The following UNK variants were observed in gnomAD, a reference collection of about 807,000 sequenced individuals.
UNK encodes the protein RING finger protein unkempt homolog.
Under a neutral mutation model 97.6 loss-of-function variants are expected in UNK, and 32 were observed. The ratio of observed to expected loss-of-function variants is 0.33; its 90% CI spans 0.25 to 0.44. The LOEUF (loss-of-function observed/expected upper bound fraction) is 0.44. Among genes scored for constraint, UNK ranks in the 20% least tolerant of loss-of-function variants. UNK has a pLI of 1.00. For synonymous variants in UNK, 441 were observed against 461.2 expected (o/e 0.96, Z 0.56); for missense variants, 771 against 1,098.4 (o/e 0.70, Z 4.21).
Position 75,816,797 on chromosome 17 carries a change from C to T in UNK, c.989C>T (p.Pro330Leu). ...EQPPLSDDLQ[P>L]SSAVSSPTQP... ...CCACCCCTGAGTGACGACCTGCAGC[C>T]TTCCTCAGCTGTGTCCAGCCCCACC... is the stretch of plus-strand genomic sequence containing the variant. Residue 330 changes from proline to leucine, a missense_variant, in exon 8 of 16, where the codon CCT becomes CTT. Physicochemically the swap from Pro to Leu is moderately conservative, Grantham distance 98 (BLOSUM62 -3). Around this residue, in one of 5 missense-constraint regions of UNK, gnomAD observed 192 missense variants for 202.4 expected, o/e 0.95. Coordinates refer to ENST00000589666, the MANE Select transcript of UNK (RefSeq NM_001080419.3). This position sits in a 1 kb window ranked among gnomAD's most constrained non-coding sequence, Gnocchi z 4.0. 6.2e-7 allele frequency: 1 copy of T among 1,605,712 alleles called. No homozygotes were observed. Among genetic ancestry groups the T allele is most frequent in the Non-Finnish European group, 8.5e-7 (1 of 1,179,626 alleles).
At chr17:75,785,015 G>T (rs1342736583) in intron 1 of UNK, 31 bp downstream of exon 1, 1 of 1,349,984 alleles carries the variant, frequency 7.4e-7, no homozygotes, top group Non-Finnish European at 9.6e-7. Context: ...CCCGCCGCGC[G>T]CGCACGCCTG....
At chr17:75,796,182 T>C (rs1301373675) in intron 1 of UNK, among the ~76,000 whole-genome samples, 1 of 152,172 alleles carries the variant, frequency 6.6e-6, no homozygotes, top group African/African-American at 2.4e-5. Flanking sequence ...CAGACACTTA[T>C]TTTATTTGCC....
rs2062018357 is a variant in UNK at position 75,816,659 on chromosome 17, T to C, written c.962-111T>C. 1 of 1,350,304 alleles carries C rather than the reference T, an allele frequency of 7.4e-7. No homozygotes were observed. Among genetic ancestry groups the C allele is most frequent in the Non-Finnish European group, 9.8e-7 (1 of 1,018,468 alleles). The allele number at this position is 1,350,304 out of a possible 1,614,324, so 83.6% of individuals were successfully genotyped here. A position where few individuals can be genotyped will look rare whatever the true frequency, so the allele number is the denominator to read the frequency against. The stretch of plus-strand genomic sequence containing the variant: ...TGTTACTAGAGATGTCGTAGGAACC[T>C]TCCCTTTATGTGCAGGGGGATTTGT... On this transcript the variant is annotated intron_variant, in intron 7 of 15. Transcript: ENST00000589666. This position sits in a 1 kb window ranked among gnomAD's most constrained non-coding sequence, Gnocchi z 4.0.
At position 75,821,498 on chromosome 17, in the gene UNK, G is replaced by T. The variant is rs867245475; in HGVS notation, c.1838-979G>T. On this transcript the variant is annotated intron_variant, in intron 13 of 15. Transcript: ENST00000589666. Reference sequence around the variant, plus strand: ...TGCAGGGCTGGTCTCATGTGGGTGGGGTGACCCTGAGGTCTTCCTCTGGGA... The same window carrying T: ...TGCAGGGCTGGTCTCATGTGGGTGGTGTGACCCTGAGGTCTTCCTCTGGGA... 1.0e-4 allele frequency: 46 copies of T among 438,786 alleles called. No individual in the cohort carries two copies. The Middle Eastern group carries it at 0.013, about 128-fold the overall frequency. 27.2% of individuals were successfully genotyped at this position (438,786 alleles called of 1,614,324 possible).
At chr17:75,792,277 G>A (rs2061769482) in intron 1 of UNK, 1 of 980,738 alleles carries the variant, frequency 1.0e-6, no homozygotes, top group Admixed American at 6.2e-5. Flanking sequence ...TAATGATTAA[G>A]TTTTTTTGTT....
At position 75,784,994 on chromosome 17, in the gene UNK, G is replaced by GCCCC; in HGVS notation, c.104+20_104+23dup. 1 of 1,073,886 alleles carries GCCCC rather than the reference G, an allele frequency of 9.3e-7. No homozygotes were observed. The highest frequency in any genetic ancestry group is 1.2e-6 in the Non-Finnish European group (1 of 819,034). 66.5% of individuals were successfully genotyped at this position (1,073,886 alleles called of 1,614,324 possible). A position where few individuals can be genotyped will look rare whatever the true frequency, so the allele number is the denominator to read the frequency against. ...AACCGCAGCACTACACGTACGTAGA[G>GCCCC]CCCCCCCCCCCCCGCCGCGCGCGCA... On this transcript the variant is annotated intron_variant, in intron 1 of 15. Coordinates refer to ENST00000589666, the MANE Select transcript of UNK (RefSeq NM_001080419.3).
rs772533160 is a variant in UNK, at chr17:75,819,464, T to G, written c.1547-220T>G. ...TTCTCCTGGAAGTATCAAAGAAGAT[T>G]CAGAAAGGAGAGGCATTTGGGTTGG... On this transcript the variant is annotated intron_variant, in intron 11 of 15. Transcript: ENST00000589666. The surrounding 1 kb of genome is among the most constrained non-coding windows in gnomAD (Gnocchi z 5.4). 1.7e-6 allele frequency: 1 copy of G among 578,718 alleles called. No individual in the cohort carries two copies. The highest frequency in any genetic ancestry group is 3.1e-6 in the Non-Finnish European group (1 of 324,160). 35.8% of individuals were successfully genotyped at this position (578,718 alleles called of 1,614,324 possible). A position where few individuals can be genotyped will look rare whatever the true frequency, so the allele number is the denominator to read the frequency against.
At chr17:75,808,608 G>C (rs565359608) in intron 1 of UNK, among the ~76,000 whole-genome samples, 1 of 152,018 alleles carries the variant, frequency 6.6e-6, no homozygotes, top group East Asian at 1.9e-4. Flanking sequence ...CTGCATCCCA[G>C]CCTGGGTCGA....
chr17:75,813,735 TCTGACCCCAC>T lies in UNK; in HGVS notation c.759-24_759-15del. ...CCGATCTCACCTTCTCCTTTCTCCA[TCTGACCCCAC>T]CCTCTTGTTGGCCAGGTCGTCTCCA... is the stretch of plus-strand genomic sequence containing the variant. On this transcript the variant is annotated splice_polypyrimidine_tract_variant and intron_variant, in intron 5 of 15. Coordinates refer to ENST00000589666, the MANE Select transcript of UNK (RefSeq NM_001080419.3). The T allele has an allele frequency of 6.5e-7, 1 of 1,549,400 alleles. No individual in the cohort carries two copies. Among genetic ancestry groups the T allele is most frequent in the Non-Finnish European group, 8.7e-7 (1 of 1,143,872 alleles).
At chr17:75,821,920 T>TA (rs1156235222) in intron 13 of UNK, 2 of 342,384 alleles carry the variant, frequency 5.8e-6, no homozygotes, top group South Asian at 2.2e-5. Context: ...CCCTACCACT[T>TA]ACAATTTGTG....
chr17:75,822,515 G>C lies in UNK; in HGVS notation c.1876G>C (p.Ala626Pro). Residue 626 changes from alanine to proline, a missense_variant, in exon 14 of 16, where the codon GCC becomes CCC. By Grantham distance (27) the Ala-to-Pro change is conservative. Around this residue, in one of 5 missense-constraint regions of UNK, gnomAD observed 208 missense variants for 257.4 expected, o/e 0.81. Transcript: ENST00000589666. ...GMNSSIWEHF[A>P]SGSFSPGTSP... is the part of the protein sequence containing the mutation. The stretch of plus-strand genomic sequence containing the variant: ...GAACAGCAGCATCTGGGAGCATTTT[G>C]CCTCTGGAAGCTTCTCCCCGGGCAC... 6.2e-7 allele frequency: 1 copy of C among 1,613,614 alleles called. No individual in the cohort carries two copies. The highest frequency in any genetic ancestry group is 8.5e-7 in the Non-Finnish European group (1 of 1,179,768).
In UNK at chr17:75,784,993, AG is replaced by A; in HGVS notation, c.104+10del. 9.0e-7 allele frequency: 1 copy of A among 1,109,908 alleles called. No individual in the cohort carries two copies. Among genetic ancestry groups the A allele is most frequent in the Non-Finnish European group, 1.2e-6 (1 of 855,586 alleles). The allele number at this position is 1,109,908 out of a possible 1,614,324, so 68.8% of individuals were successfully genotyped here. A position where few individuals can be genotyped will look rare whatever the true frequency, so the allele number is the denominator to read the frequency against. On this transcript the variant is annotated intron_variant, in intron 1 of 15. Coordinates refer to ENST00000589666, the MANE Select transcript of UNK (RefSeq NM_001080419.3). ...AAACCGCAGCACTACACGTACGTAGAGCCCCCCCCCCCCCGCCGCGCGCGCA... is the reference window on the plus strand; with the variant it reads ...AAACCGCAGCACTACACGTACGTAGACCCCCCCCCCCCCGCCGCGCGCGCA...
At chr17:75,802,300 C>T (rs2061868689) in intron 1 of UNK, among the ~76,000 whole-genome samples, 1 of 125,724 alleles carries the variant, frequency 8.0e-6, no homozygotes, top group Non-Finnish European at 1.6e-5. Flanking sequence ...GCTCTGTCAC[C>T]CAGGCTGGCA....
Position 75,810,091 on chromosome 17 carries a change from C to T in UNK, c.314+122C>T, listed in dbSNP as rs78788222. Reference sequence around the variant, plus strand: ...GGACTGGTTGCAGCCCAGCCCATGGCCCGAGCCTGGACTCAGACCCCACCA... The same window carrying T: ...GGACTGGTTGCAGCCCAGCCCATGGTCCGAGCCTGGACTCAGACCCCACCA... On this transcript the variant is annotated intron_variant, in intron 2 of 15. Transcript: ENST00000589666. The T allele has an allele frequency of 1.9e-3, 2,320 of 1,237,834 alleles. 26 individuals carry two copies. In the African/African-American group the frequency reaches 0.03, roughly 16 times the overall value. 76.7% of individuals were successfully genotyped at this position (1,237,834 alleles called of 1,614,324 possible).
chr17:75,792,104 A>G, intron 1 of UNK: 1 of 972,956 alleles, frequency 1.0e-6, no homozygotes, highest in Non-Finnish European at 1.2e-6. Context: ...AGCACAGCAC[A>G]CATCTGCAGG....
At chr17:75,801,800 C>T (rs1039024968) in intron 1 of UNK, among the ~76,000 whole-genome samples, 3 of 151,414 alleles carry the variant, frequency 2.0e-5, no homozygotes, top group South Asian at 2.1e-4. Flanking sequence ...GTCTCAGCCT[C>T]GCAAAGTGTT....
chr17:75,819,990 C>G lies in UNK; in HGVS notation c.1719C>G (p.His573Gln). ...PGSLGSSASF[H>Q]SASPSPPVSL... is the part of the protein sequence containing the mutation. Reference sequence around the variant, plus strand: ...CCTTGGGCAGCTCTGCCTCCTTCCACTCAGCATCCCCGTCCCCTCCCGTCA... The same window carrying G: ...CCTTGGGCAGCTCTGCCTCCTTCCAGTCAGCATCCCCGTCCCCTCCCGTCA... Residue 573 changes from histidine to glutamine, a missense_variant, in exon 13 of 16, where the codon CAC becomes CAG. His to Gln is a conservative substitution (Grantham distance 24). Around this residue, in one of 5 missense-constraint regions of UNK, gnomAD observed 91 missense variants for 173.1 expected, o/e 0.53. Transcript: ENST00000589666. This position sits in a 1 kb window ranked among gnomAD's most constrained non-coding sequence, Gnocchi z 5.4. 6.2e-7 allele frequency: 1 copy of G among 1,613,846 alleles called. No individual in the cohort carries two copies. The highest frequency in any genetic ancestry group is 8.5e-7 in the Non-Finnish European group (1 of 1,179,876).
chr17:75,815,484 G>A (rs939112562), intron 7 of UNK, among the ~76,000 whole-genome samples: 5 of 152,188 alleles, frequency 3.3e-5, no homozygotes, highest in South Asian at 4.1e-4. Context: ...GGGATTGTCC[G>A]CCTGGTTGAG....
At position 75,818,756 on chromosome 17, in the gene UNK, G is replaced by A. The variant is rs2062039912; in HGVS notation, c.1486G>A (p.Gly496Ser). 15 of 1,612,812 alleles carry A rather than the reference G, an allele frequency of 9.3e-6. No individual in the cohort carries two copies. Among genetic ancestry groups the A allele is most frequent in the Non-Finnish European group, 1.1e-5 (13 of 1,179,438 alleles). ...CCCAGTGGGCACCAGCAGCGTCCCC[G>A]GCATGAATGCAAACGCTCTGCCCTT... ...PSPVGTSSVP[G>S]MNANALPFYP... The change falls in exon 11 of 16, where the codon GGC becomes AGC. Residue 496 changes from glycine (G) to serine (S), a missense_variant. Coordinates refer to ENST00000589666, the MANE Select transcript of UNK (RefSeq NM_001080419.3). The surrounding 1 kb of genome is among the most constrained non-coding windows in gnomAD (Gnocchi z 5.1).
Sources: allele counts gnomAD v4.1 joint callset (sites outside exome capture counted in the v4.1 genomes callset), GRCh38; gene constraint gnomAD v4.1.1; regional missense constraint gnomAD v4.1.1; non-coding constraint Gnocchi (gnomAD v3.1); transcripts MANE v1.5; gene names NCBI Gene and HGNC (gene_info 2026-07-23, HGNC 2026-07-21).